Variants in ODAD2 observed in about 807,000 individuals in gnomAD.
The protein encoded by ODAD2 is outer dynein arm-docking complex subunit 2.
A neutral mutation model predicts 106.8 loss-of-function variants in ODAD2; 89 were observed. The ratio of observed to expected loss-of-function variants is 0.83; its 90% CI spans 0.70 to 0.99. The LOEUF (loss-of-function observed/expected upper bound fraction) is 0.99, where lower values mean the gene tolerates loss of function less well. ODAD2 is among the 50% of genes least tolerant of loss of function. The probability of loss-of-function intolerance (pLI) is 0.00; values close to 1 mark genes in which losing one functional copy is unlikely to be tolerated. For synonymous variants in ODAD2, 404 were observed against 436.2 expected (o/e 0.93, Z 0.92); for missense variants, 1,168 against 1,238.5 (o/e 0.94, Z 0.85).
intron 19 of ODAD2, among the ~76,000 whole-genome samples, chr10:27,844,829 G>A (rs1354933864): frequency 1.3e-5 from 2 of 152,158 alleles, no homozygotes; most frequent in Non-Finnish European, 2.9e-5. Context: ...GCTCTAAGAA[G>A]GGGAGGAAAA....
rs186449008 is a variant in ODAD2, at chr10:27,938,184, A to T, written c.2098-1304T>A. On this transcript the variant is annotated intron_variant, in intron 14 of 19. Coordinates refer to ENST00000305242, the MANE Select transcript of ODAD2 (RefSeq NM_018076.5). ...GAACTCCTGACCTCAGGTTATCCACACACCTCGGCCTCCCAAAATGCTGGG... is the reference window on the plus strand; with the variant it reads ...GAACTCCTGACCTCAGGTTATCCACTCACCTCGGCCTCCCAAAATGCTGGG... 7.2e-5 allele frequency among the ~76,000 whole-genome samples: 11 copies of T among 152,050 alleles called. No individual in the cohort carries two copies. The East Asian group carries it at 1.9e-3, about 27-fold the overall frequency.
intron 7 of ODAD2, among the ~76,000 whole-genome samples, chr10:27,979,441 C>T (rs1849404841): frequency 7.8e-6 from 1 of 128,518 alleles, no homozygotes; most frequent in African/African-American, 3.1e-5. Context: ...CACACACACA[C>T]CCATACACAC....
chr10:27,976,194 C>A (rs1424182391), intron 7 of ODAD2, among the ~76,000 whole-genome samples: 2 of 151,254 alleles, frequency 1.3e-5, no homozygotes, highest in East Asian at 3.9e-4. Context: ...ATATCAGGAA[C>A]AAGAGACCAT....
intron 16 of ODAD2, 111 bp from the exon 17 acceptor site, chr10:27,907,888 A>ATTT (rs3839908): frequency 6.7e-5 from 39 of 586,388 alleles, no homozygotes; most frequent in African/African-American, 3.9e-4. Context: ...TTTGCTTAGA[A>ATTT]TTTTTTTTTT....
At position 27,971,092 on chromosome 10, in the gene ODAD2, G is replaced by A; in HGVS notation, c.1142+16C>T. ...ACTAATGCTGCATCTGAAAACAAAT[G>A]CAAATATCTACATACCCTTTGTAAT... On this transcript the variant is annotated intron_variant, in intron 8 of 19. Coordinates refer to ENST00000305242, the MANE Select transcript of ODAD2 (RefSeq NM_018076.5). The A allele has an allele frequency of 6.3e-7, 1 of 1,586,482 alleles. No homozygotes were observed. The highest frequency in any genetic ancestry group is 1.7e-4 in the Middle Eastern group (1 of 5,994).
chr10:27,906,203 T>C (rs1047725206), intron 17 of ODAD2, among the ~76,000 whole-genome samples: 2 of 152,058 alleles, frequency 1.3e-5, no homozygotes, highest in Non-Finnish European at 2.9e-5. Context: ...GGGCAAAAGA[T>C]ATGAAAAGAC....
chr10:27,882,194 A>AAAGG (rs1841772007), intron 17 of ODAD2, among the ~76,000 whole-genome samples: 1 of 150,616 alleles, frequency 6.6e-6, no homozygotes, highest in Non-Finnish European at 1.5e-5. Context: ...AGAAAGAAAG[A>AAAGG]AAGAAAGAAA....
At chr10:27,982,576 T>C (rs901307199) in intron 6 of ODAD2, among the ~76,000 whole-genome samples, 4 of 152,108 alleles carry the variant, frequency 2.6e-5, no homozygotes, top group Non-Finnish European at 5.9e-5. Flanking sequence ...AGTGTCATGC[T>C]AATAAGAAAA....
chr10:27,940,062 T>C, intron 13 of ODAD2, 55 bp from the exon 14 acceptor site: 2 of 1,203,042 alleles, frequency 1.7e-6, no homozygotes, highest in East Asian at 2.5e-5. Flanking sequence ...TAAGTAACTG[T>C]TTACATTTAT....
chr10:27,887,841 A>T (rs1478324664), intron 17 of ODAD2, among the ~76,000 whole-genome samples: 2 of 152,062 alleles, frequency 1.3e-5, no homozygotes, highest in Non-Finnish European at 2.9e-5. Context: ...ATTAGATTTT[A>T]AAAAAGTGGG....
At position 27,979,211 on chromosome 10, in the gene ODAD2, G is replaced by A. The variant is rs571014825; in HGVS notation, c.936+2255C>T. 6.7e-5 allele frequency among the ~76,000 whole-genome samples: 9 copies of A among 133,676 alleles called. No individual in the cohort carries two copies. The East Asian group carries it at 1.3e-3, about 20-fold the overall frequency. 87.7% of individuals were successfully genotyped at this position (133,676 alleles called of 152,430 possible). ...GACTGCAGTCTGGGTGACAGAGTGA[G>A]ATGGAGTGAGACTCCATCTCAAAAA... On this transcript the variant is annotated intron_variant, in intron 7 of 19. Transcript: ENST00000305242.
chr10:27,879,854 G>C (rs1027772419), intron 17 of ODAD2, among the ~76,000 whole-genome samples: 1 of 152,160 alleles, frequency 6.6e-6, no homozygotes, highest in African/African-American at 2.4e-5. Flanking sequence ...CAAGCCAGCT[G>C]TCTGGTCTCC....
At chr10:27,875,475 C>T (rs545879263) in intron 17 of ODAD2, among the ~76,000 whole-genome samples, 1 of 152,260 alleles carries the variant, frequency 6.6e-6, no homozygotes, top group African/African-American at 2.4e-5. Context: ...TTTTCCCCAT[C>T]TTTGTGGTTT....
intron 19 of ODAD2, among the ~76,000 whole-genome samples, chr10:27,845,668 G>A (rs574483398): frequency 2.9e-4 from 44 of 152,140 alleles, no homozygotes; most frequent in East Asian, 1.9e-4. Context: ...TGCTGTATTC[G>A]GGAGACCCAT....
intron 16 of ODAD2, among the ~76,000 whole-genome samples, chr10:27,909,767 G>A (rs1190751305): frequency 3.0e-5 from 4 of 131,680 alleles, no homozygotes; most frequent in Admixed American, 8.7e-5. Flanking sequence ...GCAGTGAGTC[G>A]AGATTGCACC....
At chr10:27,933,633 T>C (rs1247288194) in intron 16 of ODAD2, among the ~76,000 whole-genome samples, 1 of 152,134 alleles carries the variant, frequency 6.6e-6, no homozygotes, top group African/African-American at 2.4e-5. Flanking sequence ...GGTGGCCAAG[T>C]AGATTTGGGT....
chr10:27,877,512 G>A (rs1456590352), intron 17 of ODAD2, among the ~76,000 whole-genome samples: 1 of 152,134 alleles, frequency 6.6e-6, no homozygotes, highest in Admixed American at 6.6e-5. Flanking sequence ...TTTTGAAGGT[G>A]AGATTTCTTT....
chr10:27,820,788 T>A (rs1033954627), intron 19 of ODAD2, among the ~76,000 whole-genome samples: 2 of 149,118 alleles, frequency 1.3e-5, no homozygotes, highest in African/African-American at 5.0e-5. Flanking sequence ...TTTTTTTTTT[T>A]TTTTTTTTTT....
chr10:27,866,988 T>C (rs965302777), intron 17 of ODAD2, among the ~76,000 whole-genome samples: 1 of 152,192 alleles, frequency 6.6e-6, no homozygotes. Context: ...TCTTTTTTTT[T>C]TCTCAAGAAA....
Sources: allele counts gnomAD v4.1 joint callset (sites outside exome capture counted in the v4.1 genomes callset), GRCh38; gene constraint gnomAD v4.1.1; transcripts MANE v1.5; gene names NCBI Gene and HGNC (gene_info 2026-07-23, HGNC 2026-07-21).